Variants in LYSMD4 observed in about 807,000 individuals in gnomAD.
The protein encoded by LYSMD4 is lysM and putative peptidoglycan-binding domain-containing protein 4.
Under a neutral mutation model 6.1 loss-of-function variants are expected in LYSMD4, and 9 were observed. The observed-to-expected ratio is 1.47, with a 90% confidence interval of 0.88 to 2.56. LYSMD4 has a LOEUF of 2.56. LYSMD4 is among the 30% of genes most tolerant of loss of function. The pLI, the probability that LYSMD4 is intolerant of heterozygous loss-of-function variation, is 0.00. For missense variants in LYSMD4, 384 were observed against 373.5 expected, an observed-to-expected ratio of 1.03 and a Z score of -0.23; for synonymous variants, 143 against 148.5, an observed-to-expected ratio of 0.96 and a Z score of 0.27.
chr15:99,716,355 GTGT>G (rs1466303214), exon 1 of LYSMD4: 2 of 354,896 alleles, frequency 5.6e-6, no homozygotes, highest in East Asian at 7.6e-5. Flanking sequence ...TTCCCTGAAT[GTGT>G]TGTTTTTCTT....
exon 1 of LYSMD4, chr15:99,716,616 T>C (rs1292351632): frequency 2.2e-6 from 1 of 456,756 alleles, no homozygotes; most frequent in South Asian, 1.5e-5. Context: ...CAGGCTTCTT[T>C]CTCTGGGTTG....
downstream of LYSMD4, among the ~76,000 whole-genome samples, chr15:99,723,338 C>G (rs994850697): frequency 6.6e-6 from 1 of 152,264 alleles, no homozygotes; most frequent in African/African-American, 2.4e-5. Flanking sequence ...ACAGCCAGTT[C>G]TGCACCGCCT....
At chr15:99,730,106 G>C (rs2059369399) in intron 2 of LYSMD4, among the ~76,000 whole-genome samples, 1 of 152,182 alleles carries the variant, frequency 6.6e-6, no homozygotes, top group South Asian at 2.1e-4. Flanking sequence ...TTTCACTTTT[G>C]AGGCAATAGT....
chr15:99,732,605 T>C (rs1356791304), intron 1 of LYSMD4, among the ~76,000 whole-genome samples: 1 of 152,200 alleles, frequency 6.6e-6, no homozygotes, highest in Non-Finnish European at 1.5e-5. Flanking sequence ...CGGGTCACTT[T>C]GCATTCATTA....
chr15:99,731,571 G>A (rs1180355178), intron 2 of LYSMD4, 147 bp downstream of exon 2: 1 of 1,528,144 alleles, frequency 6.5e-7, no homozygotes, highest in South Asian at 1.3e-5. Flanking sequence ...TCCAATTCTG[G>A]CTAAATAGGG....
downstream of LYSMD4, among the ~76,000 whole-genome samples, chr15:99,726,207 G>A (rs1240049819): frequency 8.3e-6 from 1 of 120,938 alleles, no homozygotes; most frequent in Non-Finnish European, 1.6e-5. Context: ...ATCTCGGCCC[G>A]ATCTCGGCTC....
In LYSMD4 at chr15:99,729,104, T is replaced by G. The variant is rs6598263; in HGVS notation, c.*19A>C. 1,596,578 of 1,607,764 alleles carry G rather than the reference T, an allele frequency of 0.99. 793,307 individuals are homozygous for G. The highest frequency in any genetic ancestry group is 1 in the East Asian group (44,674 of 44,676). On this transcript the variant is annotated 3_prime_UTR_variant, in exon 3 of 3. Coordinates refer to ENST00000684762, the MANE Select transcript of LYSMD4 (RefSeq NM_001284417.2). ...AACAGCCAATTGCTAAAGCTGGGCC[T>G]AGTCTTTAAAAACAAAGCTTAGCTC...
upstream of LYSMD4, among the ~76,000 whole-genome samples, chr15:99,718,923 ACACACACAC>A (rs2059216801): frequency 2.0e-5 from 3 of 146,882 alleles, no homozygotes; most frequent in Non-Finnish European, 4.6e-5. Flanking sequence ...ACACACACAC[ACACACACAC>A]ACACACACAT....
chr15:99,731,708 G>C lies in LYSMD4; in HGVS notation c.282+10C>G. 1 of 1,576,526 alleles carries C rather than the reference G, an allele frequency of 6.3e-7. No homozygotes were observed. The highest frequency in any genetic ancestry group is 8.6e-7 in the Non-Finnish European group (1 of 1,162,268). On this transcript the variant is annotated intron_variant, in intron 2 of 2. Transcript: ENST00000684762. ...ACGGAGCGGGGCAGGGCCCCTGAGG[G>C]GTGTCTTACTTTGCAGCCATACTGC...
At chr15:99,723,893 C>G (rs556783731), downstream of LYSMD4, among the ~76,000 whole-genome samples, 1 of 144,426 alleles carries the variant, frequency 6.9e-6, no homozygotes, top group African/African-American at 2.9e-5. Flanking sequence ...TCCCACTGTC[C>G]ATCAAATCAT....
Position 99,729,469 on chromosome 15 carries a change from T to G in LYSMD4, c.545A>C (p.Gln182Pro). The change falls in exon 3 of 3, where the codon CAG (glutamine) becomes CCG (proline). Residue 182 changes from glutamine (Q) to proline (P), a missense_variant. Physicochemically the swap from Gln to Pro is moderately conservative, Grantham distance 76. Coordinates refer to ENST00000684762, the MANE Select transcript of LYSMD4 (RefSeq NM_001284417.2). ...GIDQDIERAV[Q>P]SEIFLHESYC... ...ACTTTCATGTAGAAAGATTTCTGAC[T>G]GCACTGCACGCTCAATATCCTGGTC... is the stretch of plus-strand genomic sequence containing the variant. The G allele has an allele frequency of 1.2e-6, 2 of 1,614,188 alleles. No individual in the cohort carries two copies. Among genetic ancestry groups the G allele is most frequent in the South Asian group, 2.2e-5 (2 of 91,090 alleles).
exon 1 of LYSMD4, chr15:99,716,169 A>G (rs1447952108): frequency 1.7e-5 from 3 of 179,450 alleles, no homozygotes; most frequent in Admixed American, 5.7e-5. Flanking sequence ...CTGCTTTGCT[A>G]TATTTAAAAT....
At position 99,731,897 on chromosome 15, in the gene LYSMD4, A is replaced by G; in HGVS notation, c.103T>C (p.Ser35Pro). 6.2e-7 allele frequency: 1 copy of G among 1,613,546 alleles called. No homozygotes were observed. Among genetic ancestry groups the G allele is most frequent in the Non-Finnish European group, 8.5e-7 (1 of 1,180,014 alleles). ...VYMFKNGSGD[S>P]GDSSEEESHR... ...GACTCTTCTTCAGAAGAGTCCCCCG[A>G]GTCCCCACTGCCATTCTTAAACATG... The change falls in exon 2 of 3, where the codon TCG (serine) becomes CCG (proline). Residue 35 changes from serine to proline, a missense_variant. Physicochemically the swap from Ser to Pro is moderately conservative, Grantham distance 74. Transcript: ENST00000684762.
chr15:99,718,554 G>T (rs1446142778), upstream of LYSMD4, among the ~76,000 whole-genome samples: 2 of 152,032 alleles, frequency 1.3e-5, no homozygotes, highest in African/African-American at 2.4e-5. Flanking sequence ...TTCTCATTTC[G>T]TTACTCATTA....
chr15:99,725,169 G>A (rs1363291810), downstream of LYSMD4, among the ~76,000 whole-genome samples: 1 of 152,146 alleles, frequency 6.6e-6, no homozygotes, highest in Non-Finnish European at 1.5e-5. Flanking sequence ...AAGGTGTTGG[G>A]AAGAAAGCTG....
chr15:99,722,431 G>A (rs1199569432), downstream of LYSMD4, among the ~76,000 whole-genome samples: 1 of 152,160 alleles, frequency 6.6e-6, no homozygotes, highest in Non-Finnish European at 1.5e-5. Context: ...CCAGGACAAA[G>A]CACAAACTAT....
exon 1 of LYSMD4, chr15:99,716,485 T>C (rs2059165532): frequency 2.2e-6 from 1 of 456,730 alleles, no homozygotes; most frequent in Admixed American, 2.3e-5. Flanking sequence ...TGGCTCTTCC[T>C]GTGCGTCGAG....
chr15:99,730,050 G>A (rs2059367405), intron 2 of LYSMD4, among the ~76,000 whole-genome samples: 1 of 152,198 alleles, frequency 6.6e-6, no homozygotes, highest in South Asian at 2.1e-4. Flanking sequence ...ATCGCTTTGG[G>A]CGAAACCACC....
At chr15:99,716,293 T>C in exon 1 of LYSMD4, 1 of 346,122 alleles carries the variant, frequency 2.9e-6, no homozygotes, top group South Asian at 2.3e-5. Context: ...AGCTGGACTT[T>C]GTTGCCATCC....
Sources: gnomAD v4.1 joint callset for allele counts (sites outside exome capture counted in the v4.1 genomes callset) on GRCh38, gnomAD v4.1.1 for gene constraint, MANE v1.5 for transcripts, NCBI Gene and HGNC (gene_info 2026-07-23, HGNC 2026-07-21) for gene names.